COL24A1: variants seen among roughly 807,000 people sequenced by gnomAD.
COL24A1 encodes the protein collagen type XXIV alpha 1 chain.
COL24A1 carries 224 observed loss-of-function variants against 253.9 expected under a neutral mutation model. That is an observed-to-expected ratio of 0.88 (90% CI 0.79 to 0.99). The LOEUF (loss-of-function observed/expected upper bound fraction) is 0.99. COL24A1 is among the 50% of genes least tolerant of loss of function. COL24A1 has a pLI of 0.00. For missense variants in COL24A1, 2,131 were observed against 2,068.5 expected, an observed-to-expected ratio of 1.03 and a Z score of -0.59; for synonymous variants, 685 against 673.7, an observed-to-expected ratio of 1.02 and a Z score of -0.26.
intron 32 of COL24A1, among the ~76,000 whole-genome samples, chr1:85,881,958 C>T (rs1477641382): frequency 6.6e-6 from 1 of 151,946 alleles, no homozygotes; most frequent in Non-Finnish European, 1.5e-5. Context: ...TTTCTTCTTT[C>T]CTCTTATTCA....
chr1:85,945,240 A>G (rs1369352032), intron 24 of COL24A1, among the ~76,000 whole-genome samples: 2 of 151,170 alleles, frequency 1.3e-5, no homozygotes, highest in Non-Finnish European at 2.9e-5. Context: ...GATGGTCTCC[A>G]TCTCCTGACC....
chr1:85,809,857 G>C (rs188031937), intron 47 of COL24A1, among the ~76,000 whole-genome samples: 3 of 149,276 alleles, frequency 2.0e-5, no homozygotes, highest in African/African-American at 4.9e-5. Flanking sequence ...CATTTCAGTG[G>C]CATTAGTACA....
At chr1:85,766,389 AAGAAAG>A (rs1667378286) in intron 53 of COL24A1, among the ~76,000 whole-genome samples, 2 of 36,814 alleles carry the variant, frequency 5.4e-5, no homozygotes, top group Non-Finnish European at 1.4e-4. Context: ...AAAAAAAAAA[AAGAAAG>A]AAAGAAAGAA....
chr1:85,853,815 T>A (rs1259774197), intron 37 of COL24A1, among the ~76,000 whole-genome samples: 1 of 152,170 alleles, frequency 6.6e-6, no homozygotes, highest in East Asian at 1.9e-4. Flanking sequence ...TTAATGGGTT[T>A]GTTTGTTTTT....
chr1:86,031,919 GTCCCT>G lies in COL24A1; in HGVS notation c.2005-2_2007del. 6.2e-7 allele frequency: 1 copy of G among 1,607,782 alleles called. No individual in the cohort carries two copies. On this transcript the variant is annotated splice_acceptor_variant and coding_sequence_variant, in exon 14 of 60. Coordinates refer to ENST00000370571, the MANE Select transcript of COL24A1 (RefSeq NM_152890.7). LOFTEE classifies it high-confidence loss of function. Reference sequence around the variant, plus strand: ...CCCGGAGGACCAGTGCCACCTACAAGTCCCTATTGTAAAAGAAATTTGCAATACTT... The same window carrying G: ...CCCGGAGGACCAGTGCCACCTACAAGATTGTAAAAGAAATTTGCAATACTT...
At chr1:86,093,133 T>A (rs1214588117) in intron 5 of COL24A1, among the ~76,000 whole-genome samples, 1 of 152,072 alleles carries the variant, frequency 6.6e-6, no homozygotes, top group African/African-American at 2.4e-5. Context: ...AATAGTCATA[T>A]CTTCTTTACA....
intron 42 of COL24A1, among the ~76,000 whole-genome samples, chr1:85,840,686 A>G (rs1676513149): frequency 2.0e-5 from 3 of 152,288 alleles, no homozygotes; most frequent in South Asian, 4.1e-4. Flanking sequence ...TAAAGCTATA[A>G]TAGCTACTTT....
At chr1:86,089,141 G>T in intron 7 of COL24A1, 33 bp downstream of exon 7, 5 of 1,434,296 alleles carry the variant, frequency 3.5e-6, no homozygotes, top group Non-Finnish European at 3.8e-6. Context: ...AAAAAAAGAA[G>T]AAAAAAAGAA....
intron 2 of COL24A1, among the ~76,000 whole-genome samples, chr1:86,132,244 C>T (rs536197085): frequency 6.6e-6 from 1 of 152,172 alleles, no homozygotes; most frequent in Non-Finnish European, 1.5e-5. Context: ...TGTTTGAGTT[C>T]ATTGTAGATT....
Position 86,030,948 on chromosome 1 carries a change from A to G in COL24A1, c.2049+930T>C, listed in dbSNP as rs138004556. Among the ~76,000 whole-genome samples the G allele has an allele frequency of 2.5e-3, 374 of 152,178 alleles. 10 individuals are homozygous for G. The East Asian group carries it at 0.046, about 19-fold the overall frequency. ...CTTGTGCTTTGGGACAGCTAAAGGT[A>G]AGGGAAAGAAGACTGAAAGAAAGGC... On this transcript the variant is annotated intron_variant, in intron 14 of 59. Coordinates refer to ENST00000370571, the MANE Select transcript of COL24A1 (RefSeq NM_152890.7).
At chr1:85,979,924 G>A (rs527707601) in intron 20 of COL24A1, among the ~76,000 whole-genome samples, 11 of 152,196 alleles carry the variant, frequency 7.2e-5, no homozygotes, top group African/African-American at 2.6e-4. Context: ...GAATATAGAT[G>A]CAAAAATCCT....
At chr1:85,874,768 A>T in intron 34 of COL24A1, 66 bp from the exon 35 acceptor site, 1 of 1,548,382 alleles carries the variant, frequency 6.5e-7, no homozygotes, top group Non-Finnish European at 8.9e-7. Context: ...TATGGAGGGC[A>T]TGCCATACGG....
intron 19 of COL24A1, among the ~76,000 whole-genome samples, chr1:86,000,860 T>C (rs1199685185): frequency 6.6e-6 from 1 of 152,210 alleles, no homozygotes; most frequent in African/African-American, 2.4e-5. Flanking sequence ...GGGGGCTTAA[T>C]AGCTGAATCA....
At chr1:86,156,287 G>A in intron 1 of COL24A1, 54 bp downstream of exon 1, 3 of 1,528,508 alleles carry the variant, frequency 2.0e-6, no homozygotes, top group Admixed American at 1.9e-5. Context: ...GAACCAGGGG[G>A]TGGAGAGAGG....
chr1:86,017,653 C>T (rs1697127724), intron 18 of COL24A1, among the ~76,000 whole-genome samples: 1 of 152,110 alleles, frequency 6.6e-6, no homozygotes, highest in Non-Finnish European at 1.5e-5. Flanking sequence ...GATTGAAATC[C>T]TTGTTGCTTA....
chr1:85,836,551 TG>T (rs1676025344), intron 43 of COL24A1, among the ~76,000 whole-genome samples: 1 of 152,216 alleles, frequency 6.6e-6, no homozygotes, highest in African/African-American at 2.4e-5. Context: ...AAATAAAGCG[TG>T]GTTCCTCTGT....
chr1:86,015,136 A>C (rs1236539037), intron 19 of COL24A1, among the ~76,000 whole-genome samples: 1 of 152,232 alleles, frequency 6.6e-6, no homozygotes, highest in East Asian at 1.9e-4. Context: ...ATTTGGATAA[A>C]AGTGTTGTCT....
At chr1:85,882,470 C>CA (rs1192960278) in intron 32 of COL24A1, among the ~76,000 whole-genome samples, 1 of 150,478 alleles carries the variant, frequency 6.6e-6, no homozygotes, top group Admixed American at 6.6e-5. Flanking sequence ...TCTCAAAAAA[C>CA]AAAAAACAAA....
At position 86,043,370 on chromosome 1, in the gene COL24A1, GA is replaced by G. The variant is rs571267747; in HGVS notation, c.1950+3454del. ...CAAAAATTAAAAAATAAAAAAATTA[GA>G]AAAAAACAGAAATATTAATTTAAAA... On this transcript the variant is annotated intron_variant, in intron 12 of 59. Coordinates refer to ENST00000370571, the MANE Select transcript of COL24A1 (RefSeq NM_152890.7). Among the ~76,000 whole-genome samples, 478 of 151,470 alleles carry G rather than the reference GA, an allele frequency of 3.2e-3. 5 individuals carry two copies. Among genetic ancestry groups the G allele is most frequent in the Non-Finnish European group, 3.1e-3 (208 of 67,834 alleles).
Sources: allele counts gnomAD v4.1 joint callset (sites outside exome capture counted in the v4.1 genomes callset), GRCh38; gene constraint gnomAD v4.1.1; transcripts MANE v1.5; gene names NCBI Gene and HGNC (gene_info 2026-07-23, HGNC 2026-07-21).